ADGRV1: variants seen among roughly 807,000 people sequenced by gnomAD.
ADGRV1 encodes the protein adhesion G protein-coupled receptor V1.
Under a neutral mutation model 596.2 loss-of-function variants are expected in ADGRV1, and 359 were observed. The ratio of observed to expected loss-of-function variants is 0.60; its 90% confidence interval spans 0.55 to 0.66. The LOEUF is 0.66. Among genes scored for constraint, ADGRV1 ranks in the 30% least tolerant of loss-of-function variants. The pLI, the probability that ADGRV1 is intolerant of heterozygous loss-of-function variation, is 0.00. For synonymous variants in ADGRV1, 2,681 were observed against 2,679.2 expected (o/e 1.00, Z -0.02); for missense variants, 7,274 against 7,575.6 (o/e 0.96, Z 1.48).
intron 70 of ADGRV1, chr5:90,792,572 CA>C (rs1760205791): frequency 6.6e-6 from 1 of 151,984 alleles, no homozygotes; most frequent in Non-Finnish European, 1.5e-5. Context: ...AAATGATGTA[CA>C]ATGTAACCAA....
At chr5:90,920,638 A>G (rs1773795208) in intron 83 of ADGRV1, among the ~76,000 whole-genome samples, 1 of 152,174 alleles carries the variant, frequency 6.6e-6, no homozygotes, top group Admixed American at 6.5e-5. Context: ...TAGAGCAGTT[A>G]TCATCTCATT....
chr5:90,627,915 A>AACACACACACAC, intron 7 of ADGRV1, 139 bp downstream of exon 7: 1 of 317,616 alleles, frequency 3.1e-6, no homozygotes, highest in Non-Finnish European at 5.2e-6. Flanking sequence ...AAACTCAGAA[A>AACACACACACAC]AGACACACAC....
intron 86 of ADGRV1, among the ~76,000 whole-genome samples, chr5:91,087,079 A>G (rs992860734): frequency 1.3e-5 from 2 of 152,086 alleles, no homozygotes; most frequent in Non-Finnish European, 2.9e-5. Flanking sequence ...CAATATTTGT[A>G]TGTTCAAATA....
intron 50 of ADGRV1, among the ~76,000 whole-genome samples, chr5:90,731,521 T>C (rs1038586274): frequency 4.6e-5 from 7 of 152,214 alleles, no homozygotes; most frequent in African/African-American, 1.2e-4. Flanking sequence ...GCTTGAGCTA[T>C]GTCTGCGTGG....
intron 76 of ADGRV1, among the ~76,000 whole-genome samples, chr5:90,828,296 A>G (rs1764231923): frequency 6.6e-6 from 1 of 152,106 alleles, no homozygotes; most frequent in South Asian, 2.1e-4. Context: ...AACACTTTAA[A>G]AATAAAAGAA....
chr5:91,131,243 T>TA (rs1369642381), intron 87 of ADGRV1, among the ~76,000 whole-genome samples: 4 of 152,218 alleles, frequency 2.6e-5, no homozygotes, highest in African/African-American at 9.6e-5. Context: ...CCAACGTATA[T>TA]AAAAATTCCC....
chr5:91,156,731 G>T (rs564548527), intron 89 of ADGRV1, among the ~76,000 whole-genome samples: 2 of 152,114 alleles, frequency 1.3e-5, no homozygotes, highest in South Asian at 4.2e-4. Context: ...CTAATACTTG[G>T]TTCCCTATAT....
chr5:91,026,464 C>T (rs1366611248), intron 85 of ADGRV1, among the ~76,000 whole-genome samples: 2 of 152,092 alleles, frequency 1.3e-5, no homozygotes, highest in Admixed American at 6.5e-5. Context: ...CCAACACAGT[C>T]CTGAAAAGTG....
At chr5:90,614,095 A>T (rs1285019058) in intron 1 of ADGRV1, 1 of 223,616 alleles carries the variant, frequency 4.5e-6, no homozygotes, top group Non-Finnish European at 8.9e-6. Context: ...AAAGCACTTG[A>T]ATCCCAGAGT....
chr5:90,642,451 C>T (rs1767087596), intron 11 of ADGRV1, among the ~76,000 whole-genome samples, 185 bp from the exon 12 acceptor site: 1 of 152,120 alleles, frequency 6.6e-6, no homozygotes, highest in African/African-American at 2.4e-5. Flanking sequence ...TCTTTCATAA[C>T]TGTTATGAGT....
At chr5:90,943,602 C>T (rs559248860) in intron 83 of ADGRV1, among the ~76,000 whole-genome samples, 16 of 152,198 alleles carry the variant, frequency 1.1e-4, no homozygotes, top group African/African-American at 3.6e-4. Flanking sequence ...AACAAATTAC[C>T]GTAAACTGGG....
In ADGRV1 at chr5:90,703,778, C is replaced by A; in HGVS notation, c.8269C>A (p.Gln2757Lys). Residue 2757 changes from glutamine (Q) to lysine (K), a missense_variant, in exon 35 of 90, where the codon CAA becomes AAA. By Grantham distance (53) the Gln-to-Lys change is moderately conservative (BLOSUM62 1). Around this residue, in one of 5 missense-constraint regions of ADGRV1, gnomAD observed 3,643 missense variants for 3,809.2 expected, o/e 0.96. Coordinates refer to ENST00000405460, the MANE Select transcript of ADGRV1 (RefSeq NM_032119.4). ...LELNFANFSG[Q>K]LFFPEGSLNT... ...ACTCAATTTTGCTAACTTTAGCGGA[C>A]AACTTTTCTTTCCTGAGGTAATACT... The A allele has an allele frequency of 6.3e-7, 1 of 1,597,582 alleles. No homozygotes were observed. The highest frequency in any genetic ancestry group is 1.7e-5 in the Admixed American group (1 of 57,676).
intron 2 of ADGRV1, 89 bp from the exon 3 acceptor site, chr5:90,617,715 C>T: frequency 9.1e-7 from 1 of 1,095,936 alleles, no homozygotes; most frequent in Non-Finnish European, 1.3e-6. Flanking sequence ...TTGATTTATG[C>T]TTTTTCTCTT....
intron 87 of ADGRV1, among the ~76,000 whole-genome samples, chr5:91,143,962 T>G (rs966361344): frequency 7.2e-5 from 11 of 152,174 alleles, no homozygotes; most frequent in Non-Finnish European, 1.3e-4. Flanking sequence ...CCTGAGTGTG[T>G]GCATGCCTGG....
chr5:90,949,576 T>C (rs1339940225), intron 83 of ADGRV1, among the ~76,000 whole-genome samples: 1 of 152,144 alleles, frequency 6.6e-6, no homozygotes, highest in Non-Finnish European at 1.5e-5. Context: ...AAGAGCAAGT[T>C]CCAGAATAAG....
chr5:90,962,603 T>A (rs1778127342), intron 83 of ADGRV1, among the ~76,000 whole-genome samples: 1 of 152,226 alleles, frequency 6.6e-6, no homozygotes, highest in Non-Finnish European at 1.5e-5. Flanking sequence ...TAATGAAATT[T>A]TGGGTAGGCC....
At chr5:91,020,127 A>G (rs1343010289) in intron 85 of ADGRV1, among the ~76,000 whole-genome samples, 1 of 152,036 alleles carries the variant, frequency 6.6e-6, no homozygotes, top group Non-Finnish European at 1.5e-5. Flanking sequence ...ATGGCAAGTG[A>G]TGCTCCTATC....
intron 9 of ADGRV1, 126 bp downstream of exon 9, chr5:90,629,665 A>G: frequency 1.4e-6 from 1 of 710,240 alleles, no homozygotes; most frequent in Non-Finnish European, 2.3e-6. Context: ...TGTTACTAAA[A>G]GTTGTTTAGG....
rs940485157 is a variant in ADGRV1, at chr5:90,820,055, C to T, written c.16197-3370C>T. ...ATTATTAATGTGTGGGAGTCTAAGT[C>T]TCTTTGTAGGTCACTCAGGACTTGC... On this transcript the variant is annotated intron_variant, in intron 75 of 89. Transcript: ENST00000405460. 4.6e-5 allele frequency among the ~76,000 whole-genome samples: 7 copies of T among 151,878 alleles called. No individual in the cohort carries two copies. In the South Asian group the frequency reaches 1.3e-3, roughly 27 times the overall value.
Sources: gnomAD v4.1 joint callset for allele counts (sites outside exome capture counted in the v4.1 genomes callset) on GRCh38, gnomAD v4.1.1 for gene constraint, gnomAD v4.1.1 regional missense constraint, MANE v1.5 for transcripts, NCBI Gene and HGNC (gene_info 2026-07-23, HGNC 2026-07-21) for gene names.